The following MGAT5 variants were observed in gnomAD, a reference collection of about 807,000 sequenced individuals.
The protein encoded by MGAT5 is alpha-1,6-mannosylglycoprotein 6-beta-N-acetylglucosaminyltransferase, also known as alpha-1,6-mannosylglycoprotein 6-beta-N-acetylglucosaminyltransferase A.
MGAT5 carries 30 observed loss-of-function variants against 94.3 expected under a neutral mutation model. The observed-to-expected ratio is 0.32, with a 90% CI of 0.24 to 0.43. The LOEUF is 0.43. Ranked by LOEUF, MGAT5 falls within the 20% of genes least tolerant of loss-of-function variation. MGAT5 has a pLI of 1.00. For missense variants in MGAT5, 691 were observed against 905.5 expected (o/e 0.76, Z 3.04); for synonymous variants, 310 against 322.9 (o/e 0.96, Z 0.43).
At chr2:134,130,267 GCCCCACA>G (rs1686083131) in intron 1 of MGAT5, among the ~76,000 whole-genome samples, 1 of 82,444 alleles carries the variant, frequency 1.2e-5, no homozygotes, top group African/African-American at 5.0e-5. Flanking sequence ...GCCCCACACC[GCCCCACA>G]CCCTGGCGGT....
At position 134,403,127 on chromosome 2, in the gene MGAT5, G is replaced by T. The variant is rs758578276; in HGVS notation, c.1520G>T (p.Arg507Leu). 6 of 1,601,396 alleles carry T rather than the reference G, an allele frequency of 3.7e-6. No homozygotes were observed. The highest frequency in any genetic ancestry group is 5.1e-6 in the Non-Finnish European group (6 of 1,177,242). Residue 507 changes from arginine (R) to leucine (L), a missense_variant, in exon 11 of 16, where the codon CGA (arginine) becomes CTA (leucine). Transcript: ENST00000281923. ...GGACGGGACCTGCAGTTCCTTCTTC[G>T]AGAAACCAAGGTAAAAATTCACCAC... ...LSGRDLQFLL[R>L]ETKLFVGLGF...
intron 11 of MGAT5, among the ~76,000 whole-genome samples, chr2:134,408,940 T>C (rs1318410053): frequency 1.3e-5 from 2 of 152,214 alleles, no homozygotes; most frequent in Non-Finnish European, 2.9e-5. Flanking sequence ...GGGACTGGCT[T>C]ATGTGGCAGT....
At position 134,125,594 on chromosome 2, in the gene MGAT5, C is replaced by A. The variant is rs144909263; in HGVS notation, c.-143+5303C>A. On this transcript the variant is annotated intron_variant, in intron 1 of 16. Transcript: ENST00000409645. ...CTGGACCTCACATCTCCTCTGTGGT[C>A]CCACAGGAACAATTGGTAACAGTTG... 1.4e-3 allele frequency among the ~76,000 whole-genome samples: 213 copies of A among 152,312 alleles called. 5 individuals are homozygous for A. In the East Asian group the frequency reaches 0.034, roughly 24 times the overall value.
chr2:134,307,596 C>G (rs1389330963), intron 2 of MGAT5, among the ~76,000 whole-genome samples: 1 of 151,964 alleles, frequency 6.6e-6, no homozygotes, highest in African/African-American at 2.4e-5. Flanking sequence ...TGTGGCAGGC[C>G]GTGTCAGCAT....
chr2:134,342,370 T>G (rs1688681169), intron 7 of MGAT5, among the ~76,000 whole-genome samples: 1 of 152,138 alleles, frequency 6.6e-6, no homozygotes, highest in South Asian at 2.1e-4. Context: ...TTACTGCCCA[T>G]GGAGACTTCC....
chr2:134,247,545 A>C (rs1231544132), intron 1 of MGAT5, among the ~76,000 whole-genome samples: 1 of 152,154 alleles, frequency 6.6e-6, no homozygotes, highest in East Asian at 1.9e-4. Flanking sequence ...AGGATTTGGC[A>C]TGTCAAACTT....
At position 134,268,539 on chromosome 2, in the gene MGAT5, C is replaced by T. The variant is rs554884549; in HGVS notation, c.242-1847C>T. On this transcript the variant is annotated intron_variant, in intron 1 of 15. Coordinates refer to ENST00000281923, the MANE Select transcript of MGAT5 (RefSeq NM_002410.5). The surrounding 1 kb of genome is among the most constrained non-coding windows in gnomAD (Gnocchi z 4.1). ...CTGTGACAAACTGAGTCATGCTGAC[C>T]GTGGGACTGCAGACCGCAGAGGAGA... 7.9e-5 allele frequency among the ~76,000 whole-genome samples: 12 copies of T among 152,242 alleles called. 1 individual carries two copies. The highest frequency in any genetic ancestry group is 3.9e-4 in the Admixed American group (6 of 15,286).
intron 1 of MGAT5, among the ~76,000 whole-genome samples, chr2:134,155,460 G>A (rs1687431315): frequency 6.6e-6 from 1 of 152,230 alleles, no homozygotes; most frequent in Non-Finnish European, 1.5e-5. Flanking sequence ...GAATTGAATT[G>A]TGTCCTCATC....
chr2:134,350,922 A>G (rs1679342436), intron 9 of MGAT5, among the ~76,000 whole-genome samples: 1 of 152,166 alleles, frequency 6.6e-6, no homozygotes, highest in African/African-American at 2.4e-5. Context: ...AAGACCCAAA[A>G]GACCCCTTCC....
chr2:134,251,556 A>G (rs77776869), upstream of MGAT5, among the ~76,000 whole-genome samples: 3,045 of 152,300 alleles, frequency 0.02, 109 homozygotes, highest in African/African-American at 0.07. Flanking sequence ...TCCCACATAG[A>G]AACTTTGAAC....
intron 2 of MGAT5, among the ~76,000 whole-genome samples, chr2:134,271,768 G>C (rs1684042360): frequency 6.6e-6 from 1 of 152,156 alleles, no homozygotes; most frequent in Non-Finnish European, 1.5e-5. Flanking sequence ...GTGTCATCTA[G>C]GCCGTAAATC....
intron 2 of MGAT5, among the ~76,000 whole-genome samples, chr2:134,276,445 C>G (rs1684380783): frequency 6.6e-6 from 1 of 152,080 alleles, no homozygotes; most frequent in African/African-American, 2.4e-5. Flanking sequence ...AGAAGAAATT[C>G]TTTGTTATTT....
Position 134,450,339 on chromosome 2 carries a change from G to A in MGAT5, c.*1492G>A, listed in dbSNP as rs571998745. 2 of 152,282 alleles carry A rather than the reference G, an allele frequency of 1.3e-5. No individual in the cohort carries two copies. The highest frequency in any genetic ancestry group is 4.8e-5 in the African/African-American group (2 of 41,554). 9.4% of individuals were successfully genotyped at this position (152,282 alleles called of 1,614,324 possible). A position where few individuals can be genotyped will look rare whatever the true frequency, so the allele number is the denominator to read the frequency against. On this transcript the variant is annotated 3_prime_UTR_variant, in exon 16 of 16. Transcript: ENST00000281923. The stretch of plus-strand genomic sequence containing the variant: ...GCCGGGGCTTCCAAGCACCCTTCCT[G>A]CTAACAGAGGGCGGCCCAGTGGAGC...
At chr2:134,176,161 G>A (rs1158187199) in intron 1 of MGAT5, among the ~76,000 whole-genome samples, 2 of 152,116 alleles carry the variant, frequency 1.3e-5, no homozygotes, top group Admixed American at 6.6e-5. Context: ...GGGTTGCTGG[G>A]CCAGAACATG....
chr2:134,358,780 A>G (rs1679907500), intron 9 of MGAT5, among the ~76,000 whole-genome samples: 1 of 152,254 alleles, frequency 6.6e-6, no homozygotes, highest in Admixed American at 6.5e-5. Flanking sequence ...CTTGGTAGAT[A>G]TAGTGTATGC....
At chr2:134,416,474 C>CTT (rs71275904) in intron 12 of MGAT5, among the ~76,000 whole-genome samples, 1 of 139,210 alleles carries the variant, frequency 7.2e-6, no homozygotes, top group East Asian at 2.3e-4. Context: ...TCATTCCTTA[C>CTT]TTTTTTTTTT....
At chr2:134,218,579 T>G (rs995438353) in intron 1 of MGAT5, among the ~76,000 whole-genome samples, 1 of 152,124 alleles carries the variant, frequency 6.6e-6, no homozygotes, top group African/African-American at 2.4e-5. Context: ...TTCCACATGG[T>G]CTGCCGTCCT....
At position 134,422,880 on chromosome 2, in the gene MGAT5, G is replaced by A. The variant is rs771450968; in HGVS notation, c.1755G>A (p.Glu585=). Residue 585 remains glutamate, a synonymous_variant, in exon 13 of 16, where the codon GAG becomes GAA. Coordinates refer to ENST00000281923, the MANE Select transcript of MGAT5 (RefSeq NM_002410.5). ...HVWTVDLNNQ[E]EVEDAVKAIL... is the part of the protein sequence containing the mutation. The stretch of plus-strand genomic sequence containing the variant: ...GGACTGTTGACCTCAACAATCAGGA[G>A]GAAGTAGAGGATGCAGTGAAAGCAA... The A allele has an allele frequency of 5.0e-6, 8 of 1,613,706 alleles. No individual in the cohort carries two copies. In the African/African-American group the frequency reaches 1.1e-4, roughly 22 times the overall value.
chr2:134,260,651 A>T (rs960659612), intron 1 of MGAT5, among the ~76,000 whole-genome samples: 1 of 151,172 alleles, frequency 6.6e-6, no homozygotes, highest in Non-Finnish European at 1.5e-5. Flanking sequence ...CTCTCTTCCT[A>T]CAAATAGGGA....
Sources: allele counts gnomAD v4.1 joint callset (sites outside exome capture counted in the v4.1 genomes callset), GRCh38; gene constraint gnomAD v4.1.1; non-coding constraint Gnocchi (gnomAD v3.1); transcripts MANE v1.5; gene names NCBI Gene and HGNC (gene_info 2026-07-23, HGNC 2026-07-21).